The following LRRC7 variants were observed in gnomAD, a reference collection of about 807,000 sequenced individuals.
LRRC7 encodes leucine-rich repeat-containing protein 7.
In LRRC7, 23 loss-of-function variants were observed where a neutral mutation model predicts 175.7. That is an observed-to-expected ratio of 0.13 (90% CI 0.09 to 0.19). The LOEUF is 0.19. Ranked by LOEUF, LRRC7 falls within the 10% of genes least tolerant of loss-of-function variation. LRRC7 has a pLI of 1.00. For synonymous variants in LRRC7, 685 were observed against 680.9 expected (o/e 1.01, Z -0.09); for missense variants, 1,354 against 1,904.7 (o/e 0.71, Z 5.38).
At chr1:70,030,887 C>T (rs1658647425) in intron 18 of LRRC7, among the ~76,000 whole-genome samples, 1 of 152,178 alleles carries the variant, frequency 6.6e-6, no homozygotes, top group African/African-American at 2.4e-5. Context: ...AGACAAAGAA[C>T]AGGGCTGGCG....
chr1:69,635,168 A>G (rs1163927673), intron 1 of LRRC7, among the ~76,000 whole-genome samples: 1 of 152,060 alleles, frequency 6.6e-6, no homozygotes, highest in Admixed American at 6.6e-5. Flanking sequence ...ATAAATGAGA[A>G]CATGCAGTGT....
At chr1:70,004,650 T>C (rs1655836214) in intron 11 of LRRC7, among the ~76,000 whole-genome samples, 1 of 152,048 alleles carries the variant, frequency 6.6e-6, no homozygotes, top group African/African-American at 2.4e-5. Context: ...CTACTTTCGG[T>C]TATACTGGCA....
intron 7 of LRRC7, among the ~76,000 whole-genome samples, chr1:69,890,257 T>G (rs2101641140): frequency 6.6e-6 from 1 of 152,340 alleles, no homozygotes; most frequent in East Asian, 1.9e-4. Context: ...CCTTGACCCA[T>G]TAACAGCAGA....
chr1:69,593,934 G>C (rs1416529009), intron 1 of LRRC7, among the ~76,000 whole-genome samples: 3 of 152,182 alleles, frequency 2.0e-5, no homozygotes, highest in Admixed American at 2.0e-4. Flanking sequence ...TCCCTAGGCA[G>C]TATCTCCTGA....
Position 69,988,955 on chromosome 1 carries a change from A to C in LRRC7, c.931+2569A>C, listed in dbSNP as rs1414739868. Among the ~76,000 whole-genome samples, 2 of 152,186 alleles carry C rather than the reference A, an allele frequency of 1.3e-5. 1 individual carries two copies. Among genetic ancestry groups the C allele is most frequent in the East Asian group, 3.9e-4 (2 of 5,188 alleles). On this transcript the variant is annotated intron_variant, in intron 10 of 26. Transcript: ENST00000651989. The stretch of plus-strand genomic sequence containing the variant: ...ACTAATGTTGCTTTGACAACCAAAA[A>C]TTCAACCAAATAGGAGAATTTACCC...
At chr1:70,077,947 A>T (rs1399188939) in intron 24 of LRRC7, among the ~76,000 whole-genome samples, 6 of 152,328 alleles carry the variant, frequency 3.9e-5, no homozygotes, top group African/African-American at 1.4e-4. Context: ...AGAATTGTAG[A>T]ACTGCCTATA....
At chr1:69,865,020 C>T (rs1684757487) in intron 7 of LRRC7, among the ~76,000 whole-genome samples, 1 of 151,974 alleles carries the variant, frequency 6.6e-6, no homozygotes. Context: ...TTGTTTGTTG[C>T]CATTAGCCTT....
At chr1:69,939,035 A>C (rs1021535452) in intron 8 of LRRC7, among the ~76,000 whole-genome samples, 40 of 97,630 alleles carry the variant, frequency 4.1e-4, no homozygotes, top group African/African-American at 1.4e-3. Context: ...ATATATCTAT[A>C]TATATCTATA....
At chr1:69,758,100 A>C (rs1365027393) in intron 2 of LRRC7, among the ~76,000 whole-genome samples, 2 of 151,982 alleles carry the variant, frequency 1.3e-5, no homozygotes, top group Non-Finnish European at 2.9e-5. Context: ...TATTATATAT[A>C]ATATGTTAGA....
intron 5 of LRRC7, among the ~76,000 whole-genome samples, chr1:69,828,392 AG>A (rs1406684496): frequency 1.3e-5 from 2 of 152,188 alleles, no homozygotes; most frequent in Non-Finnish European, 2.9e-5. Flanking sequence ...ACACCAGTTC[AG>A]GTGTTCAGAG....
chr1:70,018,423 G>A (rs1657149392), intron 14 of LRRC7, among the ~76,000 whole-genome samples: 1 of 151,974 alleles, frequency 6.6e-6, no homozygotes, highest in African/African-American at 2.4e-5. Context: ...AGCTTACTTA[G>A]TTGAAACAAT....
At chr1:69,751,847 G>A (rs1031990346) in intron 2 of LRRC7, among the ~76,000 whole-genome samples, 2 of 152,052 alleles carry the variant, frequency 1.3e-5, no homozygotes, top group African/African-American at 2.4e-5. Flanking sequence ...CTTGATAACA[G>A]GCAGTATGCT....
intron 24 of LRRC7, among the ~76,000 whole-genome samples, chr1:70,077,602 C>T (rs1008498577): frequency 3.9e-5 from 6 of 152,028 alleles, no homozygotes; most frequent in African/African-American, 7.2e-5. Context: ...CATTTGAAAA[C>T]GCACTGAGAT....
At chr1:69,707,047 T>A (rs559644641) in intron 2 of LRRC7, among the ~76,000 whole-genome samples, 14 of 151,818 alleles carry the variant, frequency 9.2e-5, no homozygotes, top group African/African-American at 3.4e-4. Flanking sequence ...AGTTTTAGAG[T>A]GTGGTAGGAT....
At chr1:69,737,169 G>T (rs1668208940) in intron 2 of LRRC7, among the ~76,000 whole-genome samples, 1 of 152,108 alleles carries the variant, frequency 6.6e-6, no homozygotes, top group Non-Finnish European at 1.5e-5. Context: ...TGATTCAGCT[G>T]TGTCCCCACC....
intron 22 of LRRC7, among the ~76,000 whole-genome samples, chr1:70,046,674 A>G (rs1261328099): frequency 2.6e-5 from 4 of 152,100 alleles, no homozygotes; most frequent in East Asian, 1.9e-4. Context: ...CCCATCACCA[A>G]TGCAGGAACC....
intron 1 of LRRC7, among the ~76,000 whole-genome samples, chr1:69,676,007 GCACACACACA>G (rs57846147): frequency 0.013 from 1,878 of 147,550 alleles, 30 homozygotes; most frequent in African/African-American, 0.034. Flanking sequence ...ATGAGTGCAT[GCACACACACA>G]CACACACACA....
At chr1:69,919,043 T>C (rs947302407) in intron 7 of LRRC7, among the ~76,000 whole-genome samples, 1 of 152,084 alleles carries the variant, frequency 6.6e-6, no homozygotes, top group African/African-American at 2.4e-5. Context: ...TGGCATAGAG[T>C]GTACCTTTCT....
chr1:70,000,751 A>C (rs1655445702), intron 11 of LRRC7, among the ~76,000 whole-genome samples: 1 of 152,138 alleles, frequency 6.6e-6, no homozygotes, highest in African/African-American at 2.4e-5. Flanking sequence ...TGAGCATTCA[A>C]ATTATCTGGG....
Sources: allele counts gnomAD v4.1 joint callset (sites outside exome capture counted in the v4.1 genomes callset), GRCh38; gene constraint gnomAD v4.1.1; transcripts MANE v1.5; gene names NCBI Gene and HGNC (gene_info 2026-07-23, HGNC 2026-07-21).